The following PNPLA6 variants were observed in gnomAD, a reference collection of about 807,000 sequenced individuals.
PNPLA6 encodes the protein patatin-like phospholipase domain-containing protein 6.
In PNPLA6, 105 loss-of-function variants were observed where a neutral mutation model predicts 153.7. That is an observed-to-expected ratio of 0.68 (90% CI 0.58 to 0.80). PNPLA6 has a LOEUF of 0.80. PNPLA6 is among the 30% of genes least tolerant of loss of function. PNPLA6 has a pLI of 0.00. For synonymous variants in PNPLA6, 825 were observed against 822.2 expected, an observed-to-expected ratio of 1.00 and a Z score of -0.06; for missense variants, 1,423 against 1,919.3, an observed-to-expected ratio of 0.74 and a Z score of 4.83.
At position 7,555,159 on chromosome 19, in the gene PNPLA6, G is replaced by T; in HGVS notation, c.2817+84G>T. 1 of 1,529,044 alleles carries T rather than the reference G, an allele frequency of 6.5e-7. No individual in the cohort carries two copies. The highest frequency in any genetic ancestry group is 8.8e-7 in the Non-Finnish European group (1 of 1,130,264). 94.7% of individuals were successfully genotyped at this position (1,529,044 alleles called of 1,614,324 possible). A position where few individuals can be genotyped will look rare whatever the true frequency, so the allele number is the denominator to read the frequency against. On this transcript the variant is annotated intron_variant, in intron 22 of 31. Transcript: ENST00000600737. The surrounding 1 kb of genome is among the most constrained non-coding windows in gnomAD (Gnocchi z 6.3). ...GACTGGGGCGGGGCCTGGGAGGGCT[G>T]AGGACAGGCTCGAAGGTCAGGGTAC...
At chr19:7,560,533 T>A in intron 28 of PNPLA6, 115 bp from the exon 29 acceptor site, 1 of 777,920 alleles carries the variant, frequency 1.3e-6, no homozygotes, top group Non-Finnish European at 2.3e-6. Flanking sequence ...AGGTTTAGTC[T>A]CAAATGCAAC....
Position 7,541,291 on chromosome 19 carries a change from C to A in PNPLA6, c.925-63C>A. On this transcript the variant is annotated intron_variant, in intron 7 of 31. Coordinates refer to ENST00000600737, the MANE Select transcript of PNPLA6 (RefSeq NM_001166114.2). The surrounding 1 kb of genome is among the most constrained non-coding windows in gnomAD (Gnocchi z 5.2). The stretch of plus-strand genomic sequence containing the variant: ...CCCTTATGCTGCGAACTAGCCCGGC[C>A]CACCATCTGGCCCTGCCCCTTACCC... 1 of 1,439,532 alleles carries A rather than the reference C, an allele frequency of 6.9e-7. No homozygotes were observed. The highest frequency in any genetic ancestry group is 9.7e-7 in the Non-Finnish European group (1 of 1,030,656). 89.2% of individuals were successfully genotyped at this position (1,439,532 alleles called of 1,614,324 possible).
At chr19:7,550,958 A>T in intron 16 of PNPLA6, 36 bp from the exon 17 acceptor site, 1 of 1,436,044 alleles carries the variant, frequency 7.0e-7, no homozygotes, top group African/African-American at 1.4e-5. Flanking sequence ...CTCATTCCCC[A>T]CCCAAGCAGC....
chr19:7,544,492 T>G, intron 13 of PNPLA6, among the ~76,000 whole-genome samples: 1 of 152,122 alleles, frequency 6.6e-6, no homozygotes. Flanking sequence ...GATGCTCAAA[T>G]GTACAGAGCA....
rs2023149583 is a variant in PNPLA6 at position 7,541,687 on chromosome 19, A to G, written c.1168+3A>G. On this transcript the variant is annotated splice_donor_region_variant and intron_variant, in intron 9 of 31. Transcript: ENST00000600737. This position sits in a 1 kb window ranked among gnomAD's most constrained non-coding sequence, Gnocchi z 5.2. The stretch of plus-strand genomic sequence containing the variant: ...GGCCCCGCTGCCTGGACCTACAGGT[A>G]CCCAGGGACCCGAGGCCAGCCGAGC... 6.4e-7 allele frequency: 1 copy of G among 1,565,008 alleles called. No individual in the cohort carries two copies. The highest frequency in any genetic ancestry group is 2.4e-5 in the East Asian group (1 of 42,424).
intron 20 of PNPLA6, 132 bp downstream of exon 20, chr19:7,554,404 C>T: frequency 8.2e-7 from 1 of 1,221,868 alleles, no homozygotes; most frequent in Non-Finnish European, 1.2e-6. Context: ...TGGGGAGATT[C>T]GCAGTGGTGT....
chr19:7,541,240 G>T lies in PNPLA6; in HGVS notation c.925-114G>T. The stretch of plus-strand genomic sequence containing the variant: ...GCCTCGCCCCATTTCCCCAGACTGT[G>T]GGTCTCTCCCTGGTTCCCGCCCGAC... On this transcript the variant is annotated intron_variant, in intron 7 of 31. Coordinates refer to ENST00000600737, the MANE Select transcript of PNPLA6 (RefSeq NM_001166114.2). This position sits in a 1 kb window ranked among gnomAD's most constrained non-coding sequence, Gnocchi z 5.2. 1 of 1,124,516 alleles carries T rather than the reference G, an allele frequency of 8.9e-7. No homozygotes were observed. Among genetic ancestry groups the T allele is most frequent in the South Asian group, 1.3e-5 (1 of 75,868 alleles). The allele number at this position is 1,124,516 out of a possible 1,614,324, so 69.7% of individuals were successfully genotyped here.
chr19:7,544,294 T>C (rs1484726121), intron 13 of PNPLA6, among the ~76,000 whole-genome samples: 1 of 151,950 alleles, frequency 6.6e-6, no homozygotes, highest in African/African-American at 2.4e-5. Flanking sequence ...ATATTTTTAG[T>C]AGAGATGGGG....
chr19:7,546,555 C>T (rs1401791427), intron 13 of PNPLA6, among the ~76,000 whole-genome samples: 1 of 152,158 alleles, frequency 6.6e-6, no homozygotes. Flanking sequence ...TAAGCCACTG[C>T]ACCTGGCCAT....
chr19:7,550,740 A>C, intron 16 of PNPLA6, 100 bp downstream of exon 16: 3 of 1,458,774 alleles, frequency 2.1e-6, no homozygotes, highest in Non-Finnish European at 2.8e-6. Context: ...TGGTGAATGC[A>C]GCTCCCGACC....
At position 7,535,774 on chromosome 19, in the gene PNPLA6, T is replaced by C. The variant is rs543982376; in HGVS notation, c.-15T>C. On this transcript the variant is annotated 5_prime_UTR_variant, in exon 1 of 32. Coordinates refer to ENST00000600737, the MANE Select transcript of PNPLA6 (RefSeq NM_001166114.2). This position sits in a 1 kb window ranked among gnomAD's most constrained non-coding sequence, Gnocchi z 5.0. The stretch of plus-strand genomic sequence containing the variant: ...CGCGCCCCCGGGGAGGGAGCAGCAC[T>C]GGCCCATTCTGCAGATGGGGACATC... 3.1e-5 allele frequency: 48 copies of C among 1,533,686 alleles called. 1 individual carries two copies. In the Admixed American group the frequency reaches 7.3e-4, roughly 23 times the overall value.
In PNPLA6 at chr19:7,541,841, C is replaced by CGAGG. The variant is rs2023159609; in HGVS notation, c.1169-142_1169-139dup. 5.4e-6 allele frequency: 6 copies of CGAGG among 1,109,170 alleles called. No individual in the cohort carries two copies. 68.7% of individuals were successfully genotyped at this position (1,109,170 alleles called of 1,614,324 possible). On this transcript the variant is annotated intron_variant, in intron 9 of 31. Transcript: ENST00000600737. This position sits in a 1 kb window ranked among gnomAD's most constrained non-coding sequence, Gnocchi z 5.2. Reference sequence around the variant, plus strand: ...CCCAGGTCTGACTCCTATCTGGTACCGAGGAAGCTGTGGCCTCGTCCCCAA... The same window carrying CGAGG: ...CCCAGGTCTGACTCCTATCTGGTACCGAGGGAGGAAGCTGTGGCCTCGTCCCCAA...
Position 7,541,406 on chromosome 19 carries a change from TG to T in PNPLA6, c.980del (p.Gly327ValfsTer2). ...RVTFLALHNY[L>X]GLTNELFSHE... is the part of the protein sequence containing the mutation. ...ACCTTCCTGGCACTGCACAACTACC[TG>T]GGTCTGACCAATGAGCTCTTCAGCC... On this transcript the variant is annotated frameshift_variant, in exon 8 of 32. Coordinates refer to ENST00000600737, the MANE Select transcript of PNPLA6 (RefSeq NM_001166114.2). LOFTEE classifies it high-confidence loss of function. This position sits in a 1 kb window ranked among gnomAD's most constrained non-coding sequence, Gnocchi z 5.2. 1 of 1,613,964 alleles carries T rather than the reference TG, an allele frequency of 6.2e-7. No individual in the cohort carries two copies. Among genetic ancestry groups the T allele is most frequent in the Non-Finnish European group, 8.5e-7 (1 of 1,179,914 alleles).
chr19:7,534,819 C>G (rs986004949), upstream of PNPLA6: 4 of 154,222 alleles, frequency 2.6e-5, no homozygotes, highest in African/African-American at 4.8e-5. Context: ...AACTTCACTA[C>G]TACGTGATAG....
Position 7,541,120 on chromosome 19 carries a change from C to A in PNPLA6, c.924+69C>A. On this transcript the variant is annotated intron_variant, in intron 7 of 31. Transcript: ENST00000600737. This position sits in a 1 kb window ranked among gnomAD's most constrained non-coding sequence, Gnocchi z 5.2. ...CCTGGCCCCCACCCATTCCAGGCTC[C>A]AAGGGACCGAGGCCCAGCAGCCAGC... is the stretch of plus-strand genomic sequence containing the variant. The A allele has an allele frequency of 6.5e-7, 1 of 1,543,482 alleles. No individual in the cohort carries two copies. Among genetic ancestry groups the A allele is most frequent in the East Asian group, 2.3e-5 (1 of 42,828 alleles).
intron 13 of PNPLA6, among the ~76,000 whole-genome samples, chr19:7,548,448 G>T (rs2023483190): frequency 6.6e-6 from 1 of 151,518 alleles, no homozygotes; most frequent in African/African-American, 2.4e-5. Context: ...CAAAGTTTAT[G>T]AATTTGTGTT....
chr19:7,535,719 A>G lies in PNPLA6; in HGVS notation c.-70A>G, dbSNP rs1599262439. ...GGCGGAACTACGTTTCCCGGCATGC[A>G]CTGCGGGCCGCCGGGCCTCAGGGAA... On this transcript the variant is annotated 5_prime_UTR_variant, in exon 1 of 32. Transcript: ENST00000600737. The surrounding 1 kb of genome is among the most constrained non-coding windows in gnomAD (Gnocchi z 5.0). 1.3e-6 allele frequency: 2 copies of G among 1,520,654 alleles called. No individual in the cohort carries two copies. The highest frequency in any genetic ancestry group is 1.8e-6 in the Non-Finnish European group (2 of 1,134,182). 94.2% of individuals were successfully genotyped at this position (1,520,654 alleles called of 1,614,324 possible). A position where few individuals can be genotyped will look rare whatever the true frequency, so the allele number is the denominator to read the frequency against.
In PNPLA6 at chr19:7,542,619, C is replaced by T. The variant is rs751666729; in HGVS notation, c.1311C>T (p.Ser437=). The change falls in exon 11 of 32, where the codon TCC becomes TCT. Residue 437 remains serine, a synonymous_variant. Coordinates refer to ENST00000600737, the MANE Select transcript of PNPLA6 (RefSeq NM_001166114.2). ...FDMAYERGRI[S]VSLQEEASGG... The stretch of plus-strand genomic sequence containing the variant: ...TGGCCTATGAGCGTGGCCGGATCTC[C>T]GTGTCCCTGCAGGAAGAGGCCTCCG... The T allele has an allele frequency of 1.4e-5, 23 of 1,613,548 alleles. No individual in the cohort carries two copies. Among genetic ancestry groups the T allele is most frequent in the Admixed American group, 3.3e-5 (2 of 60,000 alleles).
rs117324031 is a variant in PNPLA6 at position 7,556,948 on chromosome 19, C to G, written c.3281-220C>G. 1,397 of 689,592 alleles carry G rather than the reference C, an allele frequency of 2.0e-3. 17 individuals are homozygous for G. The East Asian group carries it at 0.033, about 16-fold the overall frequency. 42.7% of individuals were successfully genotyped at this position (689,592 alleles called of 1,614,324 possible). A position where few individuals can be genotyped will look rare whatever the true frequency, so the allele number is the denominator to read the frequency against. ...GAGACTCGTCGGACGCCTTACCCCC[C>G]TCACGCCATCCCCGCAGGCTGTGTG... On this transcript the variant is annotated intron_variant, in intron 26 of 31. Transcript: ENST00000600737.
Sources: gnomAD v4.1 joint callset for allele counts (sites outside exome capture counted in the v4.1 genomes callset) on GRCh38, gnomAD v4.1.1 for gene constraint, Gnocchi (gnomAD v3.1) non-coding constraint, MANE v1.5 for transcripts, NCBI Gene and HGNC (gene_info 2026-07-23, HGNC 2026-07-21) for gene names.